Variants in ZNF385D observed in about 807,000 individuals in gnomAD.
ZNF385D encodes the protein zinc finger protein 659.
In ZNF385D, 15 loss-of-function variants were observed where a neutral mutation model predicts 35.8. The observed-to-expected ratio is 0.42, with a 90% CI of 0.28 to 0.64. ZNF385D has a LOEUF of 0.64. Ranked by LOEUF, ZNF385D falls within the 30% of genes least tolerant of loss-of-function variation. The pLI is 0.23. For missense variants in ZNF385D, 474 were observed against 494.6 expected (o/e 0.96, Z 0.39); for synonymous variants, 212 against 186.8 (o/e 1.13, Z -1.10).
intron 3 of ZNF385D, among the ~76,000 whole-genome samples, chr3:21,986,665 C>T (rs1363629512): frequency 1.4e-5 from 2 of 142,752 alleles, no homozygotes; most frequent in East Asian, 3.9e-4. Context: ...GTGGAGAGTT[C>T]TGTAGATGTC....
chr3:21,778,011 T>C (rs553780576), intron 3 of ZNF385D, among the ~76,000 whole-genome samples: 5 of 152,006 alleles, frequency 3.3e-5, no homozygotes, highest in East Asian at 1.9e-4. Flanking sequence ...TCTCCAGTAA[T>C]AGACATAATA....
At chr3:22,323,397 G>A (rs557952638) in intron 2 of ZNF385D, among the ~76,000 whole-genome samples, 1 of 152,250 alleles carries the variant, frequency 6.6e-6, no homozygotes, top group African/African-American at 2.4e-5. Context: ...GACTGGGAAT[G>A]GAGCAGAAAG....
Position 21,979,210 on chromosome 3 carries a change from TG to T in ZNF385D, c.325+189606del, listed in dbSNP as rs201981404. Among the ~76,000 whole-genome samples, 1,041 of 152,226 alleles carry T rather than the reference TG, an allele frequency of 6.8e-3. 9 individuals are homozygous for T. Among genetic ancestry groups the T allele is most frequent in the African/African-American group, 0.024 (980 of 41,524 alleles). On this transcript the variant is annotated intron_variant, in intron 3 of 5. Transcript: ENST00000494108. ...GTAAAAAGGAGGATATGGGGGACCATGGGGTATTTTGTTATTGCCCTGTATA... is the reference window on the plus strand; with the variant it reads ...GTAAAAAGGAGGATATGGGGGACCATGGGTATTTTGTTATTGCCCTGTATA...
At chr3:21,548,446 T>C (rs1371788755) in intron 3 of ZNF385D, among the ~76,000 whole-genome samples, 1 of 152,214 alleles carries the variant, frequency 6.6e-6, no homozygotes, top group Non-Finnish European at 1.5e-5. Flanking sequence ...TAATTGGAAA[T>C]ATATCTCTTG....
At chr3:21,782,053 C>T (rs1281228577) in intron 3 of ZNF385D, among the ~76,000 whole-genome samples, 1 of 152,066 alleles carries the variant, frequency 6.6e-6, no homozygotes, top group East Asian at 1.9e-4. Context: ...TGCTTTGTTC[C>T]TCCTCTGTGG....
In ZNF385D at chr3:21,982,077, T is replaced by C. The variant is rs1208714797; in HGVS notation, c.325+186740A>G. On this transcript the variant is annotated intron_variant, in intron 3 of 5. Transcript: ENST00000494108. ...TTTTGGTTCCATTTGAATTTTAAAA[T>C]AGTTTTTTTTTTTTTTTTTTAATTC... Among the ~76,000 whole-genome samples, 5 of 113,982 alleles carry C rather than the reference T, an allele frequency of 4.4e-5. 1 individual carries two copies. In the South Asian group the frequency reaches 1.4e-3, roughly 32 times the overall value. 74.8% of individuals were successfully genotyped at this position (113,982 alleles called of 152,430 possible).
chr3:21,624,195 T>C (rs1363124366), intron 2 of ZNF385D, among the ~76,000 whole-genome samples: 1 of 152,112 alleles, frequency 6.6e-6, no homozygotes, highest in Admixed American at 6.6e-5. Flanking sequence ...AAAAGTGCTC[T>C]TGATTGCCAT....
intron 3 of ZNF385D, among the ~76,000 whole-genome samples, chr3:22,154,677 C>T (rs963790254): frequency 6.6e-6 from 1 of 152,142 alleles, no homozygotes; most frequent in African/African-American, 2.4e-5. Context: ...TCATGTCTTA[C>T]TTCTGGTTTT....
chr3:21,643,396 C>T, intron 2 of ZNF385D, among the ~76,000 whole-genome samples: 1 of 152,122 alleles, frequency 6.6e-6, no homozygotes, highest in Non-Finnish European at 1.5e-5. Flanking sequence ...CAAAAGGAAA[C>T]TTGTTCCAGC....
intron 2 of ZNF385D, among the ~76,000 whole-genome samples, chr3:21,658,009 G>C (rs1342803272): frequency 6.6e-6 from 1 of 151,816 alleles, no homozygotes; most frequent in East Asian, 1.9e-4. Flanking sequence ...GATTCTGAAG[G>C]GTATATATCC....
intron 3 of ZNF385D, among the ~76,000 whole-genome samples, chr3:21,989,972 A>G (rs1395859850): frequency 6.6e-6 from 1 of 152,234 alleles, no homozygotes; most frequent in African/African-American, 2.4e-5. Context: ...GCACCCAAAC[A>G]CAACAATTTC....
At chr3:21,976,942 T>C (rs12629215) in intron 3 of ZNF385D, among the ~76,000 whole-genome samples, 42,667 of 152,060 alleles carry the variant, frequency 0.28, 6,183 homozygotes, top group East Asian at 0.33. Flanking sequence ...GAGCCCAGAT[T>C]GTGCCACTGC....
intron 1 of ZNF385D, among the ~76,000 whole-genome samples, chr3:21,745,336 C>T (rs1401242871): frequency 1.3e-5 from 2 of 152,176 alleles, no homozygotes; most frequent in East Asian, 3.9e-4. Context: ...CCAGCCAATG[C>T]CCTAATACAG....
chr3:22,362,788 G>T (rs1415772826), intron 2 of ZNF385D, among the ~76,000 whole-genome samples: 1 of 152,040 alleles, frequency 6.6e-6, no homozygotes, highest in Non-Finnish European at 1.5e-5. Flanking sequence ...AAGGCAAATT[G>T]CAGAATATGT....
chr3:22,310,221 C>T (rs1703464405), intron 2 of ZNF385D, among the ~76,000 whole-genome samples: 1 of 151,956 alleles, frequency 6.6e-6, no homozygotes, highest in Non-Finnish European at 1.5e-5. Context: ...GTCATGATTA[C>T]TATTACGAAC....
intron 3 of ZNF385D, among the ~76,000 whole-genome samples, chr3:22,123,962 CTA>C (rs71044974): frequency 0.084 from 5,148 of 60,928 alleles, 116 homozygotes; most frequent in South Asian, 0.11. Flanking sequence ...CTCTCTCTCT[CTA>C]TATATATATA....
At chr3:22,332,883 A>G (rs1262302956) in intron 2 of ZNF385D, among the ~76,000 whole-genome samples, 3 of 152,076 alleles carry the variant, frequency 2.0e-5, no homozygotes, top group African/African-American at 7.2e-5. Flanking sequence ...ATAAACATGT[A>G]TAGCATTTAT....
intron 2 of ZNF385D, among the ~76,000 whole-genome samples, chr3:21,572,441 G>A (rs1461656859): frequency 6.6e-6 from 1 of 152,052 alleles, no homozygotes; most frequent in East Asian, 1.9e-4. Context: ...TATTGATGGG[G>A]CTCAGAATAG....
At chr3:22,279,219 T>C (rs1178802286) in intron 2 of ZNF385D, among the ~76,000 whole-genome samples, 8 of 152,008 alleles carry the variant, frequency 5.3e-5, no homozygotes, top group Admixed American at 1.3e-4. Flanking sequence ...CCAAGCAATG[T>C]GCACTATACC....
Sources: allele counts gnomAD v4.1 joint callset (sites outside exome capture counted in the v4.1 genomes callset), GRCh38; gene constraint gnomAD v4.1.1; transcripts MANE v1.5; gene names NCBI Gene and HGNC (gene_info 2026-07-23, HGNC 2026-07-21).